The following NELL2 variants were observed in gnomAD, a reference collection of about 807,000 sequenced individuals.
NELL2 encodes the protein neural EGFL like 2, also known as protein kinase C-binding protein NELL2.
In NELL2, 41 loss-of-function variants were observed where a neutral mutation model predicts 109.6. The ratio of observed to expected loss-of-function variants is 0.37; its 90% confidence interval spans 0.29 to 0.49. The LOEUF is 0.49. Among genes scored for constraint, NELL2 ranks in the 20% least tolerant of loss-of-function variants. The pLI, the probability that NELL2 is intolerant of heterozygous loss-of-function variation, is 0.98. For missense variants in NELL2, 900 were observed against 1,008.3 expected, an observed-to-expected ratio of 0.89 and a Z score of 1.45; for synonymous variants, 355 against 344.7, an observed-to-expected ratio of 1.03 and a Z score of -0.33.
At chr12:44,598,736 G>A (rs11612950) in intron 15 of NELL2, among the ~76,000 whole-genome samples, 12,001 of 151,990 alleles carry the variant, frequency 0.079, 558 homozygotes, top group Non-Finnish European at 0.1. Context: ...CACCAGATAT[G>A]GATTTATGGG....
At chr12:44,563,192 A>T (rs1565931226) in intron 15 of NELL2, among the ~76,000 whole-genome samples, 1 of 152,182 alleles carries the variant, frequency 6.6e-6, no homozygotes, top group Non-Finnish European at 1.5e-5. Context: ...GAGGGATAGC[A>T]TTAGGAGAAA....
chr12:44,616,999 C>A (rs1945845700), intron 13 of NELL2, among the ~76,000 whole-genome samples: 1 of 152,138 alleles, frequency 6.6e-6, no homozygotes. Flanking sequence ...TGAGTACAAG[C>A]TGAGTTTAAA....
At chr12:44,885,562 T>C (rs1016331547) in intron 1 of NELL2, among the ~76,000 whole-genome samples, 5 of 151,710 alleles carry the variant, frequency 3.3e-5, no homozygotes, top group African/African-American at 1.2e-4. Flanking sequence ...GAAATACTTA[T>C]GAAGAAAAAT....
intron 9 of NELL2, among the ~76,000 whole-genome samples, chr12:44,741,482 G>A (rs1423905472): frequency 1.3e-5 from 2 of 152,200 alleles, no homozygotes; most frequent in African/African-American, 4.8e-5. Flanking sequence ...AGTGCACCGG[G>A]CGTGAGCCAA....
At chr12:44,589,249 C>T (rs1944656327) in intron 15 of NELL2, among the ~76,000 whole-genome samples, 1 of 149,286 alleles carries the variant, frequency 6.7e-6, no homozygotes, top group Non-Finnish European at 1.5e-5. Flanking sequence ...ACTCATTCCT[C>T]TCAGTCAGTC....
chr12:44,676,716 T>G (rs1256330782), intron 12 of NELL2, among the ~76,000 whole-genome samples: 1 of 152,080 alleles, frequency 6.6e-6, no homozygotes, highest in Admixed American at 6.6e-5. Flanking sequence ...TTGGGATTCC[T>G]GAATTAAAAA....
chr12:44,617,691 C>CAAAAAAAAAAAAAAAAAAAAAAAA (rs975070930), intron 13 of NELL2, among the ~76,000 whole-genome samples: 6 of 22,382 alleles, frequency 2.7e-4, no homozygotes, highest in Admixed American at 5.0e-4. Flanking sequence ...GACTCCGTCT[C>CAAAAAAAAAAAAAAAAAAAAAAAA]AAAAAAAAAA....
chr12:44,544,874 A>AC (rs1222458675), intron 15 of NELL2, among the ~76,000 whole-genome samples: 1 of 152,038 alleles, frequency 6.6e-6, no homozygotes, highest in Non-Finnish European at 1.5e-5. Flanking sequence ...CTACAATTAG[A>AC]CCCAATTTGA....
intron 15 of NELL2, among the ~76,000 whole-genome samples, chr12:44,551,306 T>C (rs2136166240): frequency 6.6e-6 from 1 of 152,230 alleles, no homozygotes; most frequent in Non-Finnish European, 1.5e-5. Flanking sequence ...TTGTGTACCC[T>C]GTTTTCTGAT....
intron 2 of NELL2, among the ~76,000 whole-genome samples, chr12:44,874,800 A>T (rs2710426): frequency 0.012 from 1,848 of 152,314 alleles, 53 homozygotes; most frequent in African/African-American, 0.043. Context: ...AGCTACCCCC[A>T]TAAAACAATT....
Position 44,654,153 on chromosome 12 carries a change from T to C in NELL2, c.1444+11331A>G, listed in dbSNP as rs181009769. On this transcript the variant is annotated intron_variant, in intron 13 of 19. Transcript: ENST00000429094. ...TTTTTGGCTACAAATTGTACCATAC[T>C]GTGCTGTAATGATTGATTTACACTA... Among the ~76,000 whole-genome samples, 696 of 152,342 alleles carry C rather than the reference T, an allele frequency of 4.6e-3. 2 individuals carry two copies. Among genetic ancestry groups the C allele is most frequent in the Non-Finnish European group, 7.7e-3 (525 of 68,034 alleles).
At chr12:44,707,437 C>A (rs943945040) in intron 11 of NELL2, among the ~76,000 whole-genome samples, 8 of 152,094 alleles carry the variant, frequency 5.3e-5, no homozygotes, top group African/African-American at 7.2e-5. Flanking sequence ...AGAGATGCAT[C>A]AAGACAAAGG....
chr12:44,791,083 A>ATATATATATATATGTATATATATATG (rs1942375605), intron 3 of NELL2, among the ~76,000 whole-genome samples: 2 of 8,370 alleles, frequency 2.4e-4, no homozygotes, highest in African/African-American at 6.4e-4. Flanking sequence ...ATATATATAC[A>ATATATATATATATGTATATATATATG]TATATATATA....
At chr12:44,638,200 A>G (rs1300818983) in intron 13 of NELL2, among the ~76,000 whole-genome samples, 1 of 152,052 alleles carries the variant, frequency 6.6e-6, no homozygotes, top group African/African-American at 2.4e-5. Context: ...AACTGAAAAA[A>G]CAAAGGTGAT....
intron 3 of NELL2, among the ~76,000 whole-genome samples, chr12:44,812,715 G>A (rs1943218429): frequency 6.6e-6 from 1 of 152,128 alleles, no homozygotes; most frequent in Admixed American, 6.5e-5. Context: ...AAGGTCTGTT[G>A]AGATGATAGA....
chr12:44,830,222 A>C (rs888091148), intron 2 of NELL2, among the ~76,000 whole-genome samples: 5 of 152,184 alleles, frequency 3.3e-5, no homozygotes, highest in Admixed American at 2.6e-4. Flanking sequence ...CCACAAGCAG[A>C]TTCTAACAGA....
chr12:44,512,848 G>T (rs760505752), intron 19 of NELL2, among the ~76,000 whole-genome samples: 1 of 151,968 alleles, frequency 6.6e-6, no homozygotes, highest in Admixed American at 6.6e-5. Context: ...GTTGGTTAAA[G>T]TATACAAAAT....
intron 15 of NELL2, among the ~76,000 whole-genome samples, chr12:44,538,837 C>T (rs1480981540): frequency 6.6e-6 from 1 of 152,098 alleles, no homozygotes; most frequent in East Asian, 1.9e-4. Flanking sequence ...GGGAGATATA[C>T]CAGAAAAGGA....
intron 3 of NELL2, among the ~76,000 whole-genome samples, chr12:44,812,323 T>G (rs889012207): frequency 6.6e-6 from 1 of 152,156 alleles, no homozygotes; most frequent in African/African-American, 2.4e-5. Flanking sequence ...TCAACATCAC[T>G]GTGGATCTGC....
Sources: allele counts gnomAD v4.1 joint callset (sites outside exome capture counted in the v4.1 genomes callset), GRCh38; gene constraint gnomAD v4.1.1; transcripts MANE v1.5; gene names NCBI Gene and HGNC (gene_info 2026-07-23, HGNC 2026-07-21).